Variants in SMARCD3 observed in about 807,000 individuals in gnomAD.
SMARCD3 encodes the protein SWI/SNF-related matrix-associated actin-dependent regulator of chromatin subfamily D member 3.
Under a neutral mutation model 58.0 loss-of-function variants are expected in SMARCD3, and 14 were observed. The ratio of observed to expected loss-of-function variants is 0.24; its 90% CI spans 0.16 to 0.38. The LOEUF is 0.38. Among genes scored for constraint, SMARCD3 ranks in the 10% least tolerant of loss-of-function variants. The probability of loss-of-function intolerance (pLI) is 1.00; values close to 1 mark genes in which losing one functional copy is unlikely to be tolerated. For missense variants in SMARCD3, 408 were observed against 636.9 expected, an observed-to-expected ratio of 0.64 and a Z score of 3.87; for synonymous variants, 253 against 253.8, an observed-to-expected ratio of 1.00 and a Z score of 0.03.
At position 151,240,201 on chromosome 7, in the gene SMARCD3, C is replaced by T. The variant is rs139186577; in HGVS notation, c.1084G>A (p.Val362Met). The change falls in exon 10 of 13, where the codon GTG (valine) becomes ATG (methionine). Residue 362 changes from valine (V) to methionine (M), a missense_variant. Val to Met is a conservative substitution (Grantham distance 21). Coordinates refer to ENST00000262188, the MANE Select transcript of SMARCD3 (RefSeq NM_001003801.2). ...QKKTACYDID[V>M]EVEEPLKGQM... ...CCCTTTAATGGCTCCTCCACCTCCA[C>T]GTCAATGTCATAGCACGCCGTCTTC... 23 of 1,614,002 alleles carry T rather than the reference C, an allele frequency of 1.4e-5. No homozygotes were observed. The highest frequency in any genetic ancestry group is 2.2e-5 in the East Asian group (1 of 44,878).
chr7:151,249,962 C>CA (rs1227367961), upstream of SMARCD3, among the ~76,000 whole-genome samples: 5 of 78 alleles, frequency 0.064, no homozygotes, highest in Non-Finnish European at 0.025. The surrounding 1 kb of genome is among the most constrained non-coding windows in gnomAD (Gnocchi z 4.8). Flanking sequence ...TGGAACAAGG[C>CA]CCTTGGGTCA....
chr7:151,254,850 C>T (rs1304038266), intron 2 of SMARCD3, among the ~76,000 whole-genome samples: 1 of 152,190 alleles, frequency 6.6e-6, no homozygotes, highest in Non-Finnish European at 1.5e-5. Context: ...TCCTGCCAAT[C>T]ACTGCATTCT....
At position 151,239,497 on chromosome 7, in the gene SMARCD3, C is replaced by T. The variant is rs1377188635; in HGVS notation, c.1297G>A (p.Val433Met). 6.2e-7 allele frequency: 1 copy of T among 1,613,338 alleles called. No individual in the cohort carries two copies. Among genetic ancestry groups the T allele is most frequent in the Non-Finnish European group, 8.5e-7 (1 of 1,179,548 alleles). Residue 433 changes from valine (V) to methionine (M), a missense_variant and splice_region_variant, in exon 12 of 13, where the codon GTG becomes ATG. By Grantham distance (21) the Val-to-Met change is conservative (BLOSUM62 1). This residue lies in a region of SMARCD3 where 81 missense variants were observed against 109.7 expected (regional missense o/e 0.74). Coordinates refer to ENST00000262188, the MANE Select transcript of SMARCD3 (RefSeq NM_001003801.2). The surrounding 1 kb of genome is among the most constrained non-coding windows in gnomAD (Gnocchi z 7.0). Reference protein sequence around the residue: ...LLRSQSRDLKVMTDVAGNPEE... With the variant: ...LLRSQSRDLKMMTDVAGNPEE... ...GGGTTGCCGGCTACATCTGTCATCA[C>T]CTGGGAGGGAGCGTGGGGTGAGCCC...
At chr7:151,271,854 C>G (rs994574562) in intron 2 of SMARCD3, among the ~76,000 whole-genome samples, 1 of 152,150 alleles carries the variant, frequency 6.6e-6, no homozygotes, top group Non-Finnish European at 1.5e-5. Context: ...CCCAGTTACT[C>G]AGGAGGCTAA....
chr7:151,269,064 C>T (rs1390382197), intron 2 of SMARCD3, among the ~76,000 whole-genome samples: 2 of 152,124 alleles, frequency 1.3e-5, no homozygotes, highest in African/African-American at 2.4e-5. Flanking sequence ...TGGCAGGTGG[C>T]AGGGGGAGAC....
upstream of SMARCD3, among the ~76,000 whole-genome samples, chr7:151,251,935 G>A (rs1261063522): frequency 6.8e-6 from 1 of 147,180 alleles, no homozygotes; most frequent in Non-Finnish European, 1.5e-5. Context: ...CCCGGCCCGC[G>A]CCGCCCCTCC....
At chr7:151,276,001 T>C (rs1270011438) in intron 1 of SMARCD3, among the ~76,000 whole-genome samples, 2 of 150,182 alleles carry the variant, frequency 1.3e-5, no homozygotes, top group African/African-American at 2.5e-5. Context: ...CTGAGCAGGG[T>C]TGGGAGGAAA....
upstream of SMARCD3, among the ~76,000 whole-genome samples, chr7:151,252,144 C>CG (rs1803541167): frequency 6.6e-6 from 1 of 152,130 alleles, no homozygotes; most frequent in South Asian, 2.1e-4. Flanking sequence ...TCCCGCCCTC[C>CG]TGCCCTCCGT....
rs778350608 is a variant in SMARCD3, at chr7:151,242,597, G to A, written c.463C>T (p.Arg155Trp). 7 of 1,612,986 alleles carry A rather than the reference G, an allele frequency of 4.3e-6. No homozygotes were observed. Among genetic ancestry groups the A allele is most frequent in the Non-Finnish European group, 5.1e-6 (6 of 1,179,116 alleles). The change falls in exon 5 of 13, where the codon CGG (arginine) becomes TGG (tryptophan). Residue 155 changes from arginine (R) to tryptophan (W), a missense_variant. Physicochemically the swap from Arg to Trp is moderately radical, Grantham distance 101. Around this residue, in one of 4 missense-constraint regions of SMARCD3, gnomAD observed 128 missense variants for 188.8 expected, o/e 0.68. Transcript: ENST00000262188. This position sits in a 1 kb window ranked among gnomAD's most constrained non-coding sequence, Gnocchi z 4.7. Reference sequence around the variant, plus strand: ...TTGGAGATATAGAGTCGCAGCTTCCGCTTTTGCTGTAGAAATAGAGTGCAG... The same window carrying A: ...TTGGAGATATAGAGTCGCAGCTTCCACTTTTGCTGTAGAAATAGAGTGCAG... ...EALKRPMKQKRKLRLYISNTF... is the reference protein window; with the variant it reads ...EALKRPMKQKWKLRLYISNTF...
chr7:151,264,634 C>T (rs1426369372), intron 2 of SMARCD3, among the ~76,000 whole-genome samples: 1 of 152,218 alleles, frequency 6.6e-6, no homozygotes, highest in African/African-American at 2.4e-5. Flanking sequence ...CAGGCCACCT[C>T]CTTCTCCCTG....
intron 2 of SMARCD3, among the ~76,000 whole-genome samples, chr7:151,265,415 C>T (rs1804049312): frequency 6.6e-6 from 1 of 152,258 alleles, no homozygotes. Flanking sequence ...ACCTTGATTT[C>T]AGACTTCCAG....
chr7:151,272,762 T>C (rs900170184), intron 2 of SMARCD3, among the ~76,000 whole-genome samples: 3 of 152,086 alleles, frequency 2.0e-5, no homozygotes, highest in Non-Finnish European at 4.4e-5. Context: ...CACCCCTCAT[T>C]AGCAAGGAGC....
chr7:151,257,920 G>A (rs145920893), intron 2 of SMARCD3, among the ~76,000 whole-genome samples: 41 of 152,228 alleles, frequency 2.7e-4, no homozygotes, highest in African/African-American at 9.9e-4. Context: ...GTCCTTGGAC[G>A]CATCTATCCA....
chr7:151,250,899 T>A (rs1342408425), upstream of SMARCD3, among the ~76,000 whole-genome samples: 1 of 152,118 alleles, frequency 6.6e-6, no homozygotes, highest in Non-Finnish European at 1.5e-5. Context: ...ATTTACCTGA[T>A]GGTGTGAGTT....
chr7:151,238,970 T>A lies in SMARCD3; in HGVS notation c.*133A>T. 9.3e-7 allele frequency: 1 copy of A among 1,076,196 alleles called. No individual in the cohort carries two copies. The highest frequency in any genetic ancestry group is 1.4e-6 in the Non-Finnish European group (1 of 705,000). 66.7% of individuals were successfully genotyped at this position (1,076,196 alleles called of 1,614,324 possible). On this transcript the variant is annotated 3_prime_UTR_variant, in exon 13 of 13. Transcript: ENST00000262188. ...CCCCAGTTTCCAATGACCACACGGC[T>A]GCTGTCAGATGAATGACTTTTAATC...
At position 151,242,943 on chromosome 7, in the gene SMARCD3, G is replaced by A. The variant is rs984505732; in HGVS notation, c.334-100C>T. ...CAATCCTAGGGTACAAAAGATGTCA[G>A]GGGAGCCATCCTACTTTTGGGCATG... is the stretch of plus-strand genomic sequence containing the variant. On this transcript the variant is annotated intron_variant, in intron 3 of 12. Transcript: ENST00000262188. This position sits in a 1 kb window ranked among gnomAD's most constrained non-coding sequence, Gnocchi z 4.7. 1 of 1,442,312 alleles carries A rather than the reference G, an allele frequency of 6.9e-7. No individual in the cohort carries two copies. Among genetic ancestry groups the A allele is most frequent in the Non-Finnish European group, 9.4e-7 (1 of 1,064,726 alleles). The allele number at this position is 1,442,312 out of a possible 1,614,324, so 89.3% of individuals were successfully genotyped here.
chr7:151,240,399 T>C, intron 9 of SMARCD3, 26 bp downstream of exon 9: 2 of 1,602,288 alleles, frequency 1.2e-6, no homozygotes, highest in Non-Finnish European at 1.7e-6. Context: ...TTCCCTGGTC[T>C]GAGAAGCAAG....
intron 2 of SMARCD3, among the ~76,000 whole-genome samples, chr7:151,274,036 C>T (rs1795258134): frequency 6.6e-6 from 1 of 152,250 alleles, no homozygotes. Context: ...GAGCCTCAGG[C>T]TCCTCTGGGC....
chr7:151,238,824 T>A lies in SMARCD3; in HGVS notation c.*279A>T. 1 of 1,525,858 alleles carries A rather than the reference T, an allele frequency of 6.6e-7. No individual in the cohort carries two copies. The allele number at this position is 1,525,858 out of a possible 1,614,324, so 94.5% of individuals were successfully genotyped here. A position where few individuals can be genotyped will look rare whatever the true frequency, so the allele number is the denominator to read the frequency against. ...TTATTAAACATGTCTTCTGCCAAAC[T>A]GTTTTTAGGTCTAGGGAAAATTGAG... On this transcript the variant is annotated 3_prime_UTR_variant, in exon 13 of 13. Transcript: ENST00000262188.
Sources: gnomAD v4.1 joint callset for allele counts (sites outside exome capture counted in the v4.1 genomes callset) on GRCh38, gnomAD v4.1.1 for gene constraint, gnomAD v4.1.1 regional missense constraint, Gnocchi (gnomAD v3.1) non-coding constraint, MANE v1.5 for transcripts, NCBI Gene and HGNC (gene_info 2026-07-23, HGNC 2026-07-21) for gene names.